The following SLC22A24 variants were observed in gnomAD, a reference collection of about 807,000 sequenced individuals.
The protein encoded by SLC22A24 is steroid transmembrane transporter SLC22A24.
A neutral mutation model predicts 49.8 loss-of-function variants in SLC22A24; 53 were observed. The observed-to-expected ratio is 1.06, with a 90% CI of 0.85 to 1.34. SLC22A24 has a LOEUF of 1.34. Among genes scored for constraint, SLC22A24 ranks in the 40% most tolerant of loss-of-function variants. SLC22A24 has a pLI of 0.00. For missense variants in SLC22A24, 786 were observed against 675.9 expected, an observed-to-expected ratio of 1.16 and a Z score of -1.81; for synonymous variants, 302 against 256.4, an observed-to-expected ratio of 1.18 and a Z score of -1.70.
At chr11:63,114,203 A>G (rs180819647) in intron 4 of SLC22A24, among the ~76,000 whole-genome samples, 2 of 152,316 alleles carry the variant, frequency 1.3e-5, no homozygotes, top group East Asian at 1.9e-4. Context: ...AGGTACACCA[A>G]TTAAACATAG....
intron 2 of SLC22A24, among the ~76,000 whole-genome samples, chr11:63,122,226 C>T (rs920791117): frequency 4.6e-5 from 7 of 152,062 alleles, no homozygotes; most frequent in South Asian, 2.1e-4. Context: ...AAGTAATATA[C>T]GCTAACTCCA....
At chr11:63,095,525 G>A (rs1490846671) in intron 6 of SLC22A24, among the ~76,000 whole-genome samples, 2 of 152,104 alleles carry the variant, frequency 1.3e-5, no homozygotes, top group Non-Finnish European at 2.9e-5. Flanking sequence ...ATAGCAGTAA[G>A]TACAGTTGGT....
chr11:63,135,970 C>A (rs2087371431), intron 1 of SLC22A24, among the ~76,000 whole-genome samples: 1 of 152,152 alleles, frequency 6.6e-6, no homozygotes, highest in Non-Finnish European at 1.5e-5. Flanking sequence ...CAAGAAGTTG[C>A]CAAAGAACTC....
chr11:63,114,526 G>A (rs532573350), intron 4 of SLC22A24, among the ~76,000 whole-genome samples: 1 of 152,156 alleles, frequency 6.6e-6, no homozygotes, highest in Admixed American at 6.5e-5. Flanking sequence ...GGAGAAGTTT[G>A]TTATTATTGA....
At chr11:63,122,098 A>G (rs1028592548) in intron 2 of SLC22A24, among the ~76,000 whole-genome samples, 1 of 152,182 alleles carries the variant, frequency 6.6e-6, no homozygotes, top group African/African-American at 2.4e-5. Flanking sequence ...CATTAAAAGT[A>G]CAGATGGTAC....
Position 63,080,929 on chromosome 11 carries a change from A to G in SLC22A24, c.1589T>C (p.Val530Ala), listed in dbSNP as rs1375801154. ...TAGAGGGTTTACTCACTCATTTTCC[A>G]CATCCTGGATGGTGTTAGGAAGAGG... ...DLPLPNTIQD[V>A]ENDRKDSRNI... The change falls in exon 9 of 10, where the codon GTG becomes GCG. Residue 530 changes from valine to alanine, a missense_variant. Coordinates refer to ENST00000612278, the MANE Select transcript of SLC22A24 (RefSeq NM_001136506.2). 17 of 1,551,512 alleles carry G rather than the reference A, an allele frequency of 1.1e-5. No individual in the cohort carries two copies. The highest frequency in any genetic ancestry group is 2.4e-5 in the East Asian group (1 of 40,948).
At chr11:63,121,403 A>T (rs2087250986) in intron 2 of SLC22A24, among the ~76,000 whole-genome samples, 1 of 152,150 alleles carries the variant, frequency 6.6e-6, no homozygotes. Context: ...GGAATTCATC[A>T]CTGGAAATGA....
chr11:63,113,888 G>T (rs1394865478), intron 4 of SLC22A24, among the ~76,000 whole-genome samples: 1 of 151,174 alleles, frequency 6.6e-6, no homozygotes, highest in Non-Finnish European at 1.5e-5. Flanking sequence ...TTGAATATGG[G>T]CCCCCTCTCT....
chr11:63,093,230 C>T (rs1204725993), intron 6 of SLC22A24, among the ~76,000 whole-genome samples: 1 of 152,186 alleles, frequency 6.6e-6, no homozygotes, highest in African/African-American at 2.4e-5. Context: ...AACGCTTTTA[C>T]ACTGTTTGTG....
chr11:63,124,488 C>A (rs1292203867), intron 2 of SLC22A24, among the ~76,000 whole-genome samples: 2 of 152,174 alleles, frequency 1.3e-5, no homozygotes, highest in African/African-American at 4.8e-5. Flanking sequence ...GTTAGAAATG[C>A]AGAAGTTCCT....
intron 6 of SLC22A24, among the ~76,000 whole-genome samples, chr11:63,087,011 C>A (rs2086990514): frequency 8.2e-6 from 1 of 122,590 alleles, no homozygotes; most frequent in African/African-American, 2.9e-5. Context: ...TTAAGCTTTT[C>A]TGCCTGGAGG....
chr11:63,101,656 A>G (rs1259694307), intron 5 of SLC22A24, among the ~76,000 whole-genome samples: 1 of 152,080 alleles, frequency 6.6e-6, no homozygotes, highest in Admixed American at 6.6e-5. Flanking sequence ...TATTGCAGCA[A>G]CATTCACAAT....
intron 5 of SLC22A24, among the ~76,000 whole-genome samples, chr11:63,099,371 ATTTTTTTT>A (rs56708217): frequency 1.5e-3 from 81 of 52,338 alleles, no homozygotes; most frequent in African/African-American, 2.5e-3. Flanking sequence ...AATTTTTAAG[ATTTTTTTT>A]TTTTTTTTTT....
intron 4 of SLC22A24, among the ~76,000 whole-genome samples, chr11:63,117,586 C>T (rs1013718216): frequency 5.9e-5 from 9 of 152,098 alleles, no homozygotes; most frequent in Admixed American, 2.6e-4. Flanking sequence ...CTCTTCTTTC[C>T]TCTCCTCAGC....
intron 6 of SLC22A24, 141 bp from the exon 7 acceptor site, chr11:63,083,598 G>A: frequency 3.1e-6 from 2 of 645,924 alleles, no homozygotes; most frequent in Non-Finnish European, 5.3e-6. Flanking sequence ...TTTAAAAAAG[G>A]GATCATTCTG....
At chr11:63,114,675 T>C (rs1399169218) in intron 4 of SLC22A24, among the ~76,000 whole-genome samples, 1 of 152,224 alleles carries the variant, frequency 6.6e-6, no homozygotes, top group African/African-American at 2.4e-5. Flanking sequence ...TGCTCTGTTT[T>C]CTCCCCATCT....
intron 6 of SLC22A24, among the ~76,000 whole-genome samples, chr11:63,095,372 A>G (rs192136270): frequency 1.3e-5 from 2 of 152,316 alleles, no homozygotes; most frequent in Admixed American, 6.5e-5. Context: ...TATTCATATA[A>G]GAGAAAATGA....
chr11:63,113,719 T>G (rs2087192261), intron 4 of SLC22A24, among the ~76,000 whole-genome samples: 1 of 151,934 alleles, frequency 6.6e-6, no homozygotes, highest in Admixed American at 6.6e-5. Context: ...CTCGGCATAG[T>G]GGCACATGCC....
chr11:63,084,861 C>A (rs1398281943), intron 6 of SLC22A24, among the ~76,000 whole-genome samples: 1 of 152,082 alleles, frequency 6.6e-6, no homozygotes, highest in East Asian at 1.9e-4. Flanking sequence ...GAATGAATAT[C>A]TGAGGTTTAA....
Sources: allele counts gnomAD v4.1 joint callset (sites outside exome capture counted in the v4.1 genomes callset), GRCh38; gene constraint gnomAD v4.1.1; transcripts MANE v1.5; gene names NCBI Gene and HGNC (gene_info 2026-07-23, HGNC 2026-07-21).